PGAP4: variants seen among roughly 807,000 people sequenced by gnomAD.
PGAP4 encodes the protein post-GPI attachment to proteins GalNAc transferase 4, also known as GPI-N-acetylgalactosamine transferase PGAP4.
A neutral mutation model predicts 28.2 loss-of-function variants in PGAP4; 12 were observed. The ratio of observed to expected loss-of-function variants is 0.42; its 90% CI spans 0.27 to 0.69. The LOEUF (loss-of-function observed/expected upper bound fraction) is 0.69, where lower values mean the gene tolerates loss of function less well. Among genes scored for constraint, PGAP4 ranks in the 30% least tolerant of loss-of-function variants. The probability of loss-of-function intolerance (pLI) is 0.22; values close to 1 mark genes in which losing one functional copy is unlikely to be tolerated. For synonymous variants in PGAP4, 205 were observed against 211.8 expected (o/e 0.97, Z 0.28); for missense variants, 425 against 513.5 (o/e 0.83, Z 1.67).
chr9:101,509,923 T>C (rs867067299), intron 2 of PGAP4, among the ~76,000 whole-genome samples: 1 of 152,194 alleles, frequency 6.6e-6, no homozygotes, highest in South Asian at 2.1e-4. Context: ...TTTCCTGATA[T>C]GTAATCGTTC....
upstream of PGAP4, among the ~76,000 whole-genome samples, chr9:101,490,345 A>G (rs994709444): frequency 1.3e-5 from 2 of 151,912 alleles, no homozygotes; most frequent in African/African-American, 4.8e-5. Flanking sequence ...ACATACCACC[A>G]TGCCCAGCTA....
At chr9:101,512,485 T>C (rs991060640) in intron 2 of PGAP4, among the ~76,000 whole-genome samples, 8 of 152,192 alleles carry the variant, frequency 5.3e-5, no homozygotes, top group Admixed American at 3.9e-4. Context: ...TGTTCTGCCA[T>C]GTCCAGTGGA....
intron 1 of PGAP4, among the ~76,000 whole-genome samples, chr9:101,480,382 GTT>G (rs900499441): frequency 2.0e-4 from 31 of 152,154 alleles, no homozygotes; most frequent in African/African-American, 7.5e-4. Context: ...TTGTTTGTTT[GTT>G]TTTAACATTG....
At position 101,476,910 on chromosome 9, in the gene PGAP4, C is replaced by T; in HGVS notation, c.183G>A (p.Met61Ile). Reference sequence around the variant, plus strand: ...AGCTTTGCTGCAGGAACTCTTGGCTCATTTGGTTCAGATGCCAATGGCGCA... The same window carrying T: ...AGCTTTGCTGCAGGAACTCTTGGCTTATTTGGTTCAGATGCCAATGGCGCA... ...FYLRHWHLNQ[M>I]SQEFLQQSLK... The change falls in exon 2 of 2, where the codon ATG becomes ATA. Residue 61 changes from methionine (M) to isoleucine (I), a missense_variant. Met to Ile is a conservative substitution (Grantham distance 10, BLOSUM62 1). Transcript: ENST00000374848. The surrounding 1 kb of genome is among the most constrained non-coding windows in gnomAD (Gnocchi z 7.0). The T allele has an allele frequency of 6.2e-7, 1 of 1,614,022 alleles. No homozygotes were observed. The highest frequency in any genetic ancestry group is 8.5e-7 in the Non-Finnish European group (1 of 1,179,956).
chr9:101,526,805 G>C (rs528846093), intron 2 of PGAP4, among the ~76,000 whole-genome samples: 2 of 152,214 alleles, frequency 1.3e-5, no homozygotes, highest in African/African-American at 4.8e-5. Flanking sequence ...CAGCTTCTAG[G>C]GTGGTTCATA....
chr9:101,507,950 A>G (rs1826861488), intron 2 of PGAP4, among the ~76,000 whole-genome samples: 1 of 152,158 alleles, frequency 6.6e-6, no homozygotes, highest in Admixed American at 6.6e-5. Context: ...CTCTTATGAA[A>G]TCCTTTTAAT....
chr9:101,505,419 A>G (rs1426854023), intron 2 of PGAP4, among the ~76,000 whole-genome samples: 1 of 152,104 alleles, frequency 6.6e-6, no homozygotes, highest in East Asian at 1.9e-4. Flanking sequence ...ATTTATTGCA[A>G]AAAGCTAATG....
rs1826257552 is a variant in PGAP4 at position 101,475,013 on chromosome 9, T to A, written c.*868A>T. On this transcript the variant is annotated 3_prime_UTR_variant, in exon 2 of 2. Coordinates refer to ENST00000374848, the MANE Select transcript of PGAP4 (RefSeq NM_032342.3). The stretch of plus-strand genomic sequence containing the variant: ...TTTTTTTTTTTTTTTTTCTATAACA[T>A]CATGCTACCTAGAAGAAAAAGAAAT... 1 of 143,174 alleles carries A rather than the reference T, an allele frequency of 7.0e-6. No homozygotes were observed. The allele number at this position is 143,174 out of a possible 1,614,324, so 8.9% of individuals were successfully genotyped here. A position where few individuals can be genotyped will look rare whatever the true frequency, so the allele number is the denominator to read the frequency against.
chr9:101,523,467 T>C (rs1411404685), intron 2 of PGAP4, among the ~76,000 whole-genome samples: 1 of 151,710 alleles, frequency 6.6e-6, no homozygotes, highest in African/African-American at 2.4e-5. Flanking sequence ...AGTTCTGAGT[T>C]TCTTTCTTCT....
At chr9:101,524,696 G>C (rs1382399849) in intron 2 of PGAP4, among the ~76,000 whole-genome samples, 1 of 152,158 alleles carries the variant, frequency 6.6e-6, no homozygotes, top group Non-Finnish European at 1.5e-5. Flanking sequence ...ACTTGACTCA[G>C]CTCCAGGTAA....
At chr9:101,485,981 G>T (rs934518789) in intron 1 of PGAP4, among the ~76,000 whole-genome samples, 1 of 151,986 alleles carries the variant, frequency 6.6e-6, no homozygotes, top group Admixed American at 6.6e-5. Flanking sequence ...ACACACACCC[G>T]CATGTGTTGC....
intron 2 of PGAP4, among the ~76,000 whole-genome samples, chr9:101,496,077 GT>G (rs148099964): frequency 0.012 from 1,782 of 151,546 alleles, 37 homozygotes; most frequent in African/African-American, 0.041. Flanking sequence ...AGCATGGAAA[GT>G]TTTGGTTATA....
rs577027304 is a variant in PGAP4, at chr9:101,478,713, A to G, written c.-77-1544T>C. On this transcript the variant is annotated intron_variant, in intron 1 of 1. Transcript: ENST00000374848. ...GCCCTGGTGGATCTAGAGGAGGTAC[A>G]GCCACCAGATGGCAGAAGCCTGGGT... Among the ~76,000 whole-genome samples the G allele has an allele frequency of 2.3e-4, 35 of 152,320 alleles. No individual in the cohort carries two copies. The East Asian group carries it at 6.6e-3, about 29-fold the overall frequency.
At chr9:101,484,254 G>A (rs1233036548) in intron 1 of PGAP4, among the ~76,000 whole-genome samples, 2 of 151,872 alleles carry the variant, frequency 1.3e-5, no homozygotes, top group South Asian at 2.1e-4. Flanking sequence ...AAAAAGGAAA[G>A]AAGACAGAAA....
At chr9:101,503,007 C>A (rs1294731763) in intron 2 of PGAP4, among the ~76,000 whole-genome samples, 1 of 152,044 alleles carries the variant, frequency 6.6e-6, no homozygotes, top group Non-Finnish European at 1.5e-5. Flanking sequence ...AGATGCCAAT[C>A]CAGTAGCAAA....
At chr9:101,506,529 C>A (rs1826850287) in intron 2 of PGAP4, among the ~76,000 whole-genome samples, 1 of 152,090 alleles carries the variant, frequency 6.6e-6, no homozygotes, top group Non-Finnish European at 1.5e-5. Context: ...TGATTTGCCT[C>A]TAACAGAGAC....
At chr9:101,500,292 A>G (rs774046370) in intron 2 of PGAP4, among the ~76,000 whole-genome samples, 34 of 152,108 alleles carry the variant, frequency 2.2e-4, no homozygotes, top group Non-Finnish European at 4.7e-4. Context: ...GGCTCTGAGG[A>G]GAGAATCCAT....
intron 2 of PGAP4, among the ~76,000 whole-genome samples, chr9:101,503,739 G>T (rs1826823667): frequency 6.6e-6 from 1 of 151,866 alleles, no homozygotes; most frequent in African/African-American, 2.4e-5. Context: ...ATAGCATCCT[G>T]GTTCCCCTCT....
At chr9:101,492,365 T>C (rs1826698737) in intron 2 of PGAP4, among the ~76,000 whole-genome samples, 1 of 152,178 alleles carries the variant, frequency 6.6e-6, no homozygotes, top group Non-Finnish European at 1.5e-5. Flanking sequence ...GCTAATTTTT[T>C]GTATTTTTAG....
Sources: gnomAD v4.1 joint callset for allele counts (sites outside exome capture counted in the v4.1 genomes callset) on GRCh38, gnomAD v4.1.1 for gene constraint, Gnocchi (gnomAD v3.1) non-coding constraint, MANE v1.5 for transcripts, NCBI Gene and HGNC (gene_info 2026-07-23, HGNC 2026-07-21) for gene names.